Variants in OCA2 observed in about 807,000 individuals in gnomAD.
The protein encoded by OCA2 is P protein.
OCA2 carries 77 observed loss-of-function variants against 100.2 expected under a neutral mutation model. That is an observed-to-expected ratio of 0.77 (90% CI 0.64 to 0.93). The LOEUF is 0.93. Ranked by LOEUF, OCA2 falls within the 40% of genes least tolerant of loss-of-function variation. OCA2 has a pLI of 0.00. For synonymous variants in OCA2, 432 were observed against 439.2 expected, an observed-to-expected ratio of 0.98 and a Z score of 0.21; for missense variants, 1,062 against 1,089.1, an observed-to-expected ratio of 0.98 and a Z score of 0.35.
chr15:28,004,274 A>G (rs113296520), intron 9 of OCA2, among the ~76,000 whole-genome samples: 3,332 of 152,248 alleles, frequency 0.022, 141 homozygotes, highest in African/African-American at 0.076. Context: ...CCCCCCTGCT[A>G]GGCGCCCTGT....
chr15:28,095,913 C>T (rs1442588311), intron 1 of OCA2, among the ~76,000 whole-genome samples: 1 of 152,176 alleles, frequency 6.6e-6, no homozygotes, highest in African/African-American at 2.4e-5. Flanking sequence ...CGCTCCCCTC[C>T]CCACAAAGCG....
At chr15:27,859,151 T>A (rs2036042547) in intron 21 of OCA2, among the ~76,000 whole-genome samples, 1 of 151,806 alleles carries the variant, frequency 6.6e-6, no homozygotes, top group African/African-American at 2.4e-5. Flanking sequence ...CTAAAGCTAG[T>A]AGAATGAGGG....
chr15:28,060,989 G>T (rs185631079), intron 2 of OCA2, among the ~76,000 whole-genome samples: 70 of 152,354 alleles, frequency 4.6e-4, no homozygotes, highest in Middle Eastern at 6.8e-3. Context: ...TGAGCAGCAA[G>T]TGTTTAACAT....
chr15:28,044,642 A>G (rs2043297014), intron 2 of OCA2, among the ~76,000 whole-genome samples: 1 of 152,106 alleles, frequency 6.6e-6, no homozygotes, highest in Non-Finnish European at 1.5e-5. Context: ...TCCAACTATG[A>G]TTCTTTCTTG....
At chr15:27,927,087 C>T (rs999863271) in intron 18 of OCA2, among the ~76,000 whole-genome samples, 2 of 152,124 alleles carry the variant, frequency 1.3e-5, no homozygotes, top group African/African-American at 4.8e-5. Context: ...GTCAGGAGTT[C>T]GAGACCATCC....
chr15:27,976,509 T>C (rs900672761), intron 14 of OCA2, among the ~76,000 whole-genome samples: 1 of 152,206 alleles, frequency 6.6e-6, no homozygotes, highest in African/African-American at 2.4e-5. Flanking sequence ...TCTATTGAGA[T>C]GATCATATGG....
chr15:27,734,960 T>C, the OCA2 span, among the ~76,000 whole-genome samples: 1 of 151,904 alleles, frequency 6.6e-6, no homozygotes, highest in Non-Finnish European at 1.5e-5. Flanking sequence ...AGAGCAATCA[T>C]GGAAACATGA....
At chr15:27,934,975 T>A (rs2039400184) in intron 18 of OCA2, among the ~76,000 whole-genome samples, 1 of 152,058 alleles carries the variant, frequency 6.6e-6, no homozygotes, top group African/African-American at 2.4e-5. Flanking sequence ...CTGCTCTGAG[T>A]CCAGACCACA....
chr15:27,961,815 G>A (rs1428601520), intron 15 of OCA2, among the ~76,000 whole-genome samples: 5 of 152,092 alleles, frequency 3.3e-5, no homozygotes, highest in Non-Finnish European at 5.9e-5. Flanking sequence ...GGGGGCTAGG[G>A]GAGGGATAGC....
Position 27,872,101 on chromosome 15 carries a change from C to A in OCA2, c.2080-179G>T, listed in dbSNP as rs77925103. On this transcript the variant is annotated intron_variant, in intron 19 of 23. Coordinates refer to ENST00000354638, the MANE Select transcript of OCA2 (RefSeq NM_000275.3). Reference sequence around the variant, plus strand: ...ATAATTTACTATCATATATGCACAACGAAGATTCATGGAGAAAAAGTCCAA... The same window carrying A: ...ATAATTTACTATCATATATGCACAAAGAAGATTCATGGAGAAAAAGTCCAA... Among the ~76,000 whole-genome samples the A allele has an allele frequency of 0.016, 2,399 of 152,220 alleles. 57 individuals carry two copies. The highest frequency in any genetic ancestry group is 0.051 in the African/African-American group (2,103 of 41,520).
At chr15:27,823,393 T>C (rs532811204) in intron 23 of OCA2, among the ~76,000 whole-genome samples, 2 of 111,594 alleles carry the variant, frequency 1.8e-5, no homozygotes, top group Admixed American at 1.0e-4. Flanking sequence ...ATAAGTCATA[T>C]GCCGATTATA....
At chr15:27,720,382 T>C in the OCA2 span, among the ~76,000 whole-genome samples, 1 of 149,682 alleles carries the variant, frequency 6.7e-6, no homozygotes, top group Admixed American at 6.7e-5. Flanking sequence ...ATATATAATA[T>C]ATATGTTTAT....
chr15:27,825,723 T>G (rs2151291727), intron 23 of OCA2, among the ~76,000 whole-genome samples: 1 of 152,262 alleles, frequency 6.6e-6, no homozygotes, highest in East Asian at 1.9e-4. Flanking sequence ...ATCAGTTTGC[T>G]CCCATTTCTT....
intron 23 of OCA2, among the ~76,000 whole-genome samples, chr15:27,765,755 T>A (rs2031207483): frequency 1.3e-5 from 2 of 152,202 alleles, no homozygotes; most frequent in South Asian, 4.1e-4. Flanking sequence ...TCAAGAATAA[T>A]AAGCCCGACC....
intron 9 of OCA2, among the ~76,000 whole-genome samples, chr15:28,012,393 G>A (rs914776468): frequency 3.9e-5 from 6 of 151,994 alleles, no homozygotes; most frequent in Admixed American, 6.6e-5. Context: ...GCATGGGGAG[G>A]CAGCCTCTGG....
intron 23 of OCA2, among the ~76,000 whole-genome samples, chr15:27,793,545 A>G (rs2033183112): frequency 6.6e-6 from 1 of 152,238 alleles, no homozygotes; most frequent in Non-Finnish European, 1.5e-5. Context: ...AGCTGTGTTC[A>G]GAGTCCTTGC....
intron 2 of OCA2, among the ~76,000 whole-genome samples, chr15:28,058,275 G>C (rs926740302): frequency 6.6e-6 from 1 of 152,244 alleles, no homozygotes; most frequent in Non-Finnish European, 1.5e-5. Context: ...AGGGAAGGAC[G>C]AAGGCCAGGA....
At chr15:28,049,347 A>G (rs2043438895) in intron 2 of OCA2, among the ~76,000 whole-genome samples, 1 of 152,210 alleles carries the variant, frequency 6.6e-6, no homozygotes, top group Admixed American at 6.5e-5. Context: ...ATATAGAGAA[A>G]CCAGAACTCT....
At chr15:28,006,946 T>A (rs1243294873) in intron 9 of OCA2, among the ~76,000 whole-genome samples, 2 of 152,254 alleles carry the variant, frequency 1.3e-5, no homozygotes, top group Non-Finnish European at 2.9e-5. Flanking sequence ...GGAAACTCCC[T>A]GGAAGATGGA....
Sources: allele counts gnomAD v4.1 joint callset (sites outside exome capture counted in the v4.1 genomes callset), GRCh38; gene constraint gnomAD v4.1.1; transcripts MANE v1.5; gene names NCBI Gene and HGNC (gene_info 2026-07-23, HGNC 2026-07-21).